The following ZNF365 variants were observed in gnomAD, a reference collection of about 807,000 sequenced individuals.
ZNF365 encodes the protein zinc finger protein 365.
Under a neutral mutation model 35.0 loss-of-function variants are expected in ZNF365, and 22 were observed. The observed-to-expected ratio is 0.63, with a 90% confidence interval of 0.45 to 0.90. ZNF365 has a LOEUF of 0.90. ZNF365 is among the 40% of genes least tolerant of loss of function. The probability of loss-of-function intolerance (pLI) is 0.00; values close to 1 mark genes in which losing one functional copy is unlikely to be tolerated. For synonymous variants in ZNF365, 188 were observed against 196.2 expected (o/e 0.96, Z 0.35); for missense variants, 448 against 500.3 (o/e 0.90, Z 1.00).
At chr10:62,392,571 TG>T (rs1254799241) in intron 3 of ZNF365, among the ~76,000 whole-genome samples, 1 of 152,068 alleles carries the variant, frequency 6.6e-6, no homozygotes, top group Non-Finnish European at 1.5e-5. Flanking sequence ...TTTATTTCTG[TG>T]TTCTCTATTC....
At chr10:62,436,801 T>C (rs986320478) in intron 3 of ZNF365, among the ~76,000 whole-genome samples, 3 of 152,204 alleles carry the variant, frequency 2.0e-5, no homozygotes, top group African/African-American at 7.2e-5. Context: ...AGGAATTTAA[T>C]ATGCCTGAGC....
At chr10:62,388,372 T>A in intron 2 of ZNF365, 24 bp from the exon 3 acceptor site, 1 of 1,613,828 alleles carries the variant, frequency 6.2e-7, no homozygotes, top group South Asian at 1.1e-5. Flanking sequence ...TTCCCTTTTG[T>A]GTTCTGACAT....
intron 3 of ZNF365, among the ~76,000 whole-genome samples, chr10:62,423,522 T>A (rs1840206081): frequency 6.6e-6 from 1 of 152,200 alleles, no homozygotes; most frequent in Admixed American, 6.6e-5. Flanking sequence ...TTAGTTTTGA[T>A]AGCCAGGAAG....
In ZNF365 at chr10:62,402,164, T is replaced by C. The variant is rs990733732; in HGVS notation, c.*2375T>C. 7.1e-6 allele frequency: 7 copies of C among 985,980 alleles called. No homozygotes were observed. The highest frequency in any genetic ancestry group is 8.4e-6 in the Non-Finnish European group (7 of 829,914). The allele number at this position is 985,980 out of a possible 1,614,324, so 61.1% of individuals were successfully genotyped here. A position where few individuals can be genotyped will look rare whatever the true frequency, so the allele number is the denominator to read the frequency against. ...TAAGGCGGTTGCTTTTTTGAAGAAA[T>C]CACCAAAGTTTCTGGGAAACTATGT... is the stretch of plus-strand genomic sequence containing the variant. On this transcript the variant is annotated 3_prime_UTR_variant, in exon 5 of 5. Transcript: ENST00000395254.
chr10:62,451,355 T>C (rs952495290), intron 3 of ZNF365, among the ~76,000 whole-genome samples: 4 of 152,132 alleles, frequency 2.6e-5, no homozygotes, highest in Non-Finnish European at 5.9e-5. Context: ...GAGCTGCTCG[T>C]TCATGGCTTG....
At chr10:62,381,834 C>G (rs979255036) in intron 2 of ZNF365, among the ~76,000 whole-genome samples, 2 of 152,198 alleles carry the variant, frequency 1.3e-5, no homozygotes, top group African/African-American at 4.8e-5. Flanking sequence ...ATCCTACTCC[C>G]TTGCAGGCAG....
chr10:62,414,346 T>A (rs1375425133), intron 3 of ZNF365, among the ~76,000 whole-genome samples: 1 of 150,366 alleles, frequency 6.7e-6, no homozygotes, highest in Non-Finnish European at 1.5e-5. Flanking sequence ...ACCACAGTCA[T>A]ACCACCATAT....
downstream of ZNF365, among the ~76,000 whole-genome samples, chr10:62,403,232 A>T (rs766134855): frequency 6.6e-6 from 1 of 152,246 alleles, no homozygotes; most frequent in Non-Finnish European, 1.5e-5. Flanking sequence ...GAGAAGATAC[A>T]GTTATATTCA....
chr10:62,410,241 A>G (rs1339729447), intron 3 of ZNF365, among the ~76,000 whole-genome samples: 2 of 152,140 alleles, frequency 1.3e-5, no homozygotes, highest in East Asian at 3.8e-4. Context: ...GGTTCTGGAG[A>G]GAAAATTCTC....
chr10:62,379,770 C>T (rs1839404083), intron 2 of ZNF365, among the ~76,000 whole-genome samples: 1 of 152,206 alleles, frequency 6.6e-6, no homozygotes, highest in Admixed American at 6.5e-5. Flanking sequence ...TAACCACCAC[C>T]TCAGAGAGCT....
At chr10:62,378,027 A>G (rs1217167401) in intron 2 of ZNF365, among the ~76,000 whole-genome samples, 2 of 152,224 alleles carry the variant, frequency 1.3e-5, no homozygotes, top group Non-Finnish European at 2.9e-5. Flanking sequence ...TTCTACCTTG[A>G]GGGGAAGCCT....
chr10:62,376,605 T>C lies in ZNF365; in HGVS notation c.412T>C (p.Ser138Pro). 1 of 1,614,108 alleles carries C rather than the reference T, an allele frequency of 6.2e-7. No homozygotes were observed. The highest frequency in any genetic ancestry group is 8.5e-7 in the Non-Finnish European group (1 of 1,180,030). ...TYTAMDLHAD[S>P]LDGTRSGPGL... Reference sequence around the variant, plus strand: ...CACTGCCATGGACCTCCATGCAGACTCGCTGGATGGGACACGGTCGGGTCC... The same window carrying C: ...CACTGCCATGGACCTCCATGCAGACCCGCTGGATGGGACACGGTCGGGTCC... The change falls in exon 2 of 5, where the codon TCG becomes CCG. Residue 138 changes from serine (S) to proline (P), a missense_variant. Around this residue, in one of 3 missense-constraint regions of ZNF365, gnomAD observed 362 missense variants for 375.7 expected, o/e 0.96. Transcript: ENST00000395254.
At chr10:62,387,877 C>T (rs1216633746) in intron 2 of ZNF365, among the ~76,000 whole-genome samples, 3 of 152,166 alleles carry the variant, frequency 2.0e-5, no homozygotes, top group Non-Finnish European at 2.9e-5. Context: ...AAAAGCAATA[C>T]ATCCAATGGT....
intron 3 of ZNF365, among the ~76,000 whole-genome samples, chr10:62,413,128 AC>A (rs1346212665): frequency 6.6e-6 from 1 of 152,190 alleles, no homozygotes; most frequent in African/African-American, 2.4e-5. Flanking sequence ...AAGTAAAAAT[AC>A]AAAGGCATCT....
At chr10:62,415,600 A>G (rs911999004) in intron 3 of ZNF365, among the ~76,000 whole-genome samples, 2 of 151,978 alleles carry the variant, frequency 1.3e-5, no homozygotes, top group African/African-American at 4.8e-5. Context: ...ATTTACTCTT[A>G]TTTCTCTAGT....
chr10:62,380,282 A>AT (rs1564566789), intron 2 of ZNF365, among the ~76,000 whole-genome samples: 78 of 152,378 alleles, frequency 5.1e-4, no homozygotes, highest in African/African-American at 1.7e-3. Flanking sequence ...ATGAGACAGC[A>AT]AGACCAACCC....
chr10:62,428,632 G>A (rs111902989), intron 3 of ZNF365, among the ~76,000 whole-genome samples: 4,471 of 152,198 alleles, frequency 0.029, 211 homozygotes, highest in African/African-American at 0.1. Flanking sequence ...GCATGAGAGC[G>A]GACTAATACA....
chr10:62,454,160 C>G (rs1840726585), intron 3 of ZNF365, among the ~76,000 whole-genome samples: 1 of 152,154 alleles, frequency 6.6e-6, no homozygotes, highest in African/African-American at 2.4e-5. Flanking sequence ...GGGAACTTAC[C>G]AGGTACTTAT....
chr10:62,402,050 C>G lies in ZNF365; in HGVS notation c.*2261C>G. The G allele has an allele frequency of 2.0e-6, 2 of 985,728 alleles. No homozygotes were observed. The highest frequency in any genetic ancestry group is 2.4e-6 in the Non-Finnish European group (2 of 829,918). The allele number at this position is 985,728 out of a possible 1,614,324, so 61.1% of individuals were successfully genotyped here. On this transcript the variant is annotated 3_prime_UTR_variant, in exon 5 of 5. Transcript: ENST00000395254. Reference sequence around the variant, plus strand: ...TTACTCAGAAGCATACTCCACTTAACATACCATGGCCTGAGCTAAGTACCA... The same window carrying G: ...TTACTCAGAAGCATACTCCACTTAAGATACCATGGCCTGAGCTAAGTACCA...
Sources: allele counts gnomAD v4.1 joint callset (sites outside exome capture counted in the v4.1 genomes callset), GRCh38; gene constraint gnomAD v4.1.1; regional missense constraint gnomAD v4.1.1; transcripts MANE v1.5; gene names NCBI Gene and HGNC (gene_info 2026-07-23, HGNC 2026-07-21).